The following FBXO4 variants were observed in gnomAD, a reference collection of about 807,000 sequenced individuals.
The protein encoded by FBXO4 is F-box protein 4, also known as F-box only protein 4.
In FBXO4, 36 loss-of-function variants were observed where a neutral mutation model predicts 43.7. The ratio of observed to expected loss-of-function variants is 0.82; its 90% CI spans 0.63 to 1.09. The LOEUF (loss-of-function observed/expected upper bound fraction) is 1.09, where lower values mean the gene tolerates loss of function less well. Ranked by LOEUF, FBXO4 falls within the 50% of genes least tolerant of loss-of-function variation. The probability of loss-of-function intolerance (pLI) is 0.00; values close to 1 mark genes in which losing one functional copy is unlikely to be tolerated. For missense variants in FBXO4, 435 were observed against 474.1 expected, an observed-to-expected ratio of 0.92 and a Z score of 0.77; for synonymous variants, 180 against 165.6, an observed-to-expected ratio of 1.09 and a Z score of -0.67.
At chr5:42,015,271 TGTGTGTGTGTGA>T in the FBXO4 span, among the ~76,000 whole-genome samples, 1 of 152,198 alleles carries the variant, frequency 6.6e-6, no homozygotes, top group Non-Finnish European at 1.5e-5. Flanking sequence ...GTTGAGATTT[TGTGTGTGTGTGA>T]GTGTGTGTGT....
At chr5:41,983,763 TCTC>T in the FBXO4 span, among the ~76,000 whole-genome samples, 1 of 152,072 alleles carries the variant, frequency 6.6e-6, no homozygotes, top group Admixed American at 6.5e-5. Context: ...ATTTGATACT[TCTC>T]CTTTTCAGTT....
At chr5:41,960,904 T>G in the FBXO4 span, among the ~76,000 whole-genome samples, 12 of 152,192 alleles carry the variant, frequency 7.9e-5, no homozygotes, top group African/African-American at 2.7e-4. Context: ...TATTTACATT[T>G]GGAGTTCATA....
intron 2 of FBXO4, 81 bp downstream of exon 2, chr5:41,927,329 C>A: frequency 9.8e-7 from 1 of 1,022,258 alleles, no homozygotes; most frequent in South Asian, 1.7e-5. Context: ...TAATCCTGAC[C>A]CTGCTACTGA....
chr5:41,986,756 C>T, the FBXO4 span, among the ~76,000 whole-genome samples: 5 of 152,180 alleles, frequency 3.3e-5, no homozygotes, highest in South Asian at 2.1e-4. Flanking sequence ...ACCACAAAAA[C>T]GCAAACATGT....
chr5:42,011,791 T>A, the FBXO4 span, among the ~76,000 whole-genome samples: 1 of 152,220 alleles, frequency 6.6e-6, no homozygotes, highest in Non-Finnish European at 1.5e-5. Context: ...AAATATTTTC[T>A]AATTGTACAA....
the FBXO4 span, among the ~76,000 whole-genome samples, chr5:41,976,393 C>A: frequency 6.6e-6 from 1 of 152,100 alleles, no homozygotes; most frequent in African/African-American, 2.4e-5. Flanking sequence ...ACTGATGAAC[C>A]TATAAAATCA....
the FBXO4 span, among the ~76,000 whole-genome samples, chr5:41,988,036 A>G: frequency 6.6e-6 from 1 of 152,114 alleles, no homozygotes; most frequent in South Asian, 2.1e-4. Context: ...TATGTCTTGT[A>G]ATTTTTTCTT....
At chr5:41,959,270 T>G in the FBXO4 span, among the ~76,000 whole-genome samples, 1 of 152,204 alleles carries the variant, frequency 6.6e-6, no homozygotes, top group African/African-American at 2.4e-5. Flanking sequence ...TTGTTTGAGT[T>G]TCTTATATCT....
the FBXO4 span, among the ~76,000 whole-genome samples, chr5:41,952,803 A>G: frequency 6.6e-6 from 1 of 152,030 alleles, no homozygotes; most frequent in Non-Finnish European, 1.5e-5. Flanking sequence ...TTCTTTGTCT[A>G]GTCTCCTATT....
At chr5:41,996,773 A>G in the FBXO4 span, among the ~76,000 whole-genome samples, 1 of 150,686 alleles carries the variant, frequency 6.6e-6, no homozygotes, top group Non-Finnish European at 1.5e-5. Context: ...ATCCTTCACT[A>G]GAAAGAATAC....
chr5:42,009,233 T>C, the FBXO4 span, among the ~76,000 whole-genome samples: 1 of 152,136 alleles, frequency 6.6e-6, no homozygotes, highest in Non-Finnish European at 1.5e-5. Context: ...TTCTCCCTAA[T>C]CTGTTTAACT....
At chr5:42,000,741 T>A in the FBXO4 span, among the ~76,000 whole-genome samples, 792 of 152,284 alleles carry the variant, frequency 5.2e-3, 9 homozygotes, top group African/African-American at 0.018. Flanking sequence ...CTCTATTTCA[T>A]GTTAATTTTT....
the FBXO4 span, among the ~76,000 whole-genome samples, chr5:41,965,239 C>A: frequency 2.0e-5 from 3 of 152,220 alleles, no homozygotes; most frequent in East Asian, 5.8e-4. Context: ...TTCCATTGAT[C>A]TATATCTCTG....
the FBXO4 span, among the ~76,000 whole-genome samples, chr5:42,001,068 GT>G: frequency 1.3e-5 from 2 of 152,154 alleles, no homozygotes; most frequent in East Asian, 3.9e-4. Context: ...GCTCTTTTGT[GT>G]TTCCATATTG....
chr5:41,989,668 T>C, the FBXO4 span, among the ~76,000 whole-genome samples: 5 of 152,148 alleles, frequency 3.3e-5, no homozygotes, highest in Admixed American at 6.5e-5. Flanking sequence ...TTTATTATAT[T>C]TGTCGAATTG....
the FBXO4 span, among the ~76,000 whole-genome samples, chr5:42,000,917 T>A: frequency 6.6e-6 from 1 of 152,212 alleles, no homozygotes; most frequent in Admixed American, 6.5e-5. Flanking sequence ...GGGTCTCCGT[T>A]CTGTTTCAGT....
intron 5 of FBXO4, among the ~76,000 whole-genome samples, chr5:41,935,980 A>T (rs1751838725): frequency 6.6e-6 from 1 of 152,266 alleles, no homozygotes; most frequent in African/African-American, 2.4e-5. Context: ...TAACTATAGC[A>T]ATAAAAGCCA....
chr5:41,964,767 T>C, the FBXO4 span, among the ~76,000 whole-genome samples: 1 of 152,188 alleles, frequency 6.6e-6, no homozygotes, highest in African/African-American at 2.4e-5. Context: ...GAGTTCATTG[T>C]AGGTTCTGGA....
At chr5:41,964,075 C>T in the FBXO4 span, 2 of 152,050 alleles carry the variant, frequency 1.3e-5, no homozygotes, top group African/African-American at 4.8e-5. Flanking sequence ...TAAGGAAATT[C>T]CTCTGATGTT....
Sources: gnomAD v4.1 joint callset for allele counts (sites outside exome capture counted in the v4.1 genomes callset) on GRCh38, gnomAD v4.1.1 for gene constraint, MANE v1.5 for transcripts, NCBI Gene and HGNC (gene_info 2026-07-23, HGNC 2026-07-21) for gene names.